Variants in ANKS1B observed in about 807,000 individuals in gnomAD.
ANKS1B encodes ankyrin repeat and sterile alpha motif domain-containing protein 1B.
Under a neutral mutation model 148.3 loss-of-function variants are expected in ANKS1B, and 36 were observed. That is an observed-to-expected ratio of 0.24 (90% CI 0.19 to 0.32). The LOEUF is 0.32. ANKS1B is among the 10% of genes least tolerant of loss of function. The pLI is 1.00. For missense variants in ANKS1B, 1,157 were observed against 1,542.6 expected, an observed-to-expected ratio of 0.75 and a Z score of 4.19; for synonymous variants, 542 against 560.8, an observed-to-expected ratio of 0.97 and a Z score of 0.47.
intron 8 of ANKS1B, among the ~76,000 whole-genome samples, chr12:99,686,514 ATTGG>A (rs2098650224): frequency 6.6e-6 from 1 of 152,158 alleles, no homozygotes; most frequent in Admixed American, 6.6e-5. Context: ...TGATTCCTGA[ATTGG>A]TCTTTGTTCA....
chr12:99,475,081 A>G (rs992507404), intron 10 of ANKS1B, among the ~76,000 whole-genome samples: 2 of 151,004 alleles, frequency 1.3e-5, no homozygotes, highest in African/African-American at 4.9e-5. Context: ...TACTAAAAAT[A>G]CAAAAAAAAA....
At chr12:99,939,703 C>T (rs754660760) in intron 1 of ANKS1B, among the ~76,000 whole-genome samples, 1 of 152,122 alleles carries the variant, frequency 6.6e-6, no homozygotes, top group Non-Finnish European at 1.5e-5. Flanking sequence ...CATTGAGAAG[C>T]AGAAAAGTGT....
At chr12:99,599,891 T>C (rs1350310936) in intron 9 of ANKS1B, among the ~76,000 whole-genome samples, 4 of 151,834 alleles carry the variant, frequency 2.6e-5, no homozygotes, top group Non-Finnish European at 4.4e-5. Flanking sequence ...AATTTGAAAA[T>C]TTAGAGATCT....
intron 10 of ANKS1B, among the ~76,000 whole-genome samples, chr12:99,472,586 T>A (rs1389654529): frequency 6.6e-6 from 1 of 152,100 alleles, no homozygotes; most frequent in African/African-American, 2.4e-5. Flanking sequence ...ATACATAGAG[T>A]TCCACTTTAT....
chr12:99,949,354 T>C (rs2095155383), intron 1 of ANKS1B, among the ~76,000 whole-genome samples: 1 of 152,122 alleles, frequency 6.6e-6, no homozygotes, highest in African/African-American at 2.4e-5. Flanking sequence ...AGGAGAACAT[T>C]TCCAGGAGGA....
intron 2 of ANKS1B, 78 bp downstream of exon 2, chr12:99,825,231 A>G: frequency 2.5e-6 from 3 of 1,224,342 alleles, no homozygotes; most frequent in Non-Finnish European, 3.5e-6. Context: ...AGACATGAGA[A>G]AGGTATCGTC....
At chr12:99,555,642 C>A (rs1459961717) in intron 9 of ANKS1B, among the ~76,000 whole-genome samples, 1 of 152,072 alleles carries the variant, frequency 6.6e-6, no homozygotes, top group African/African-American at 2.4e-5. Context: ...GGGTTTTTAA[C>A]ATGAAAGGAG....
At chr12:99,342,524 A>T (rs1603170740) in intron 12 of ANKS1B, among the ~76,000 whole-genome samples, 2 of 152,208 alleles carry the variant, frequency 1.3e-5, no homozygotes, top group East Asian at 3.9e-4. Context: ...TGCAATCTCT[A>T]GTAGATGGTA....
chr12:99,878,939 T>C (rs954687559), intron 1 of ANKS1B, among the ~76,000 whole-genome samples: 1 of 152,196 alleles, frequency 6.6e-6, no homozygotes, highest in Non-Finnish European at 1.5e-5. Flanking sequence ...CTGAGCTTTA[T>C]TTTGTTATTG....
chr12:99,845,371 A>G (rs530648340), intron 1 of ANKS1B, among the ~76,000 whole-genome samples: 12 of 152,238 alleles, frequency 7.9e-5, no homozygotes, highest in African/African-American at 2.9e-4. Context: ...TTTGTCTTAT[A>G]TGGCTCTTAT....
At chr12:99,305,503 T>C (rs754338814) in intron 12 of ANKS1B, among the ~76,000 whole-genome samples, 2 of 152,086 alleles carry the variant, frequency 1.3e-5, no homozygotes, top group Non-Finnish European at 2.9e-5. Flanking sequence ...GGGAATATTT[T>C]AGCTCTGAAA....
chr12:98,985,777 T>C (rs1265782391), intron 17 of ANKS1B, among the ~76,000 whole-genome samples: 3 of 152,158 alleles, frequency 2.0e-5, no homozygotes, highest in South Asian at 2.1e-4. Context: ...TCTTTAAAAA[T>C]AAGTAAGAAA....
intron 12 of ANKS1B, among the ~76,000 whole-genome samples, chr12:99,280,439 T>C (rs1468499512): frequency 2.0e-5 from 3 of 152,160 alleles, no homozygotes; most frequent in African/African-American, 7.2e-5. Flanking sequence ...ATAAGCACAA[T>C]TTATGTAAGC....
rs2084425178 is a variant in ANKS1B, at chr12:99,217,653, T to G, written c.2419+26689A>C. Among the ~76,000 whole-genome samples the G allele has an allele frequency of 2.0e-5, 3 of 151,146 alleles. 1 individual carries two copies. The highest frequency in any genetic ancestry group is 4.2e-4 in the South Asian group (2 of 4,786). ...GGTCCCTTTTCTCAATCTCTTTCAGTTTTTTTTTGGCCCCAGAAAATATAA... is the reference window on the plus strand; with the variant it reads ...GGTCCCTTTTCTCAATCTCTTTCAGGTTTTTTTTGGCCCCAGAAAATATAA... On this transcript the variant is annotated intron_variant, in intron 14 of 26. Transcript: ENST00000683438.
At chr12:99,068,964 C>T (rs73386572) in intron 16 of ANKS1B, among the ~76,000 whole-genome samples, 11,827 of 152,186 alleles carry the variant, frequency 0.078, 1,121 homozygotes, top group African/African-American at 0.22. Context: ...TAGCATTTTC[C>T]ACATAGTATT....
chr12:98,754,359 C>T (rs933907831), intron 25 of ANKS1B, among the ~76,000 whole-genome samples: 3 of 152,192 alleles, frequency 2.0e-5, no homozygotes, highest in Admixed American at 6.5e-5. Context: ...TTGGCACTCA[C>T]GTCACTGTCA....
intron 1 of ANKS1B, among the ~76,000 whole-genome samples, chr12:99,909,217 CGTGTGTGT>C (rs60264932): frequency 0.19 from 25,960 of 136,836 alleles, 2,635 homozygotes; most frequent in Non-Finnish European, 0.21. Flanking sequence ...AATATTCCAT[CGTGTGTGT>C]GTGTGTGTGT....
chr12:99,241,850 C>T (rs1028384899), intron 14 of ANKS1B, among the ~76,000 whole-genome samples: 9 of 152,146 alleles, frequency 5.9e-5, no homozygotes, highest in South Asian at 4.1e-4. Flanking sequence ...ATTCAACAGC[C>T]CTTCATGCTA....
At chr12:99,500,832 C>T (rs1393912115) in intron 10 of ANKS1B, among the ~76,000 whole-genome samples, 1 of 152,178 alleles carries the variant, frequency 6.6e-6, no homozygotes, top group East Asian at 1.9e-4. Context: ...ATATTTGTCA[C>T]ATTCTCTCTT....
Sources: allele counts gnomAD v4.1 joint callset (sites outside exome capture counted in the v4.1 genomes callset), GRCh38; gene constraint gnomAD v4.1.1; transcripts MANE v1.5; gene names NCBI Gene and HGNC (gene_info 2026-07-23, HGNC 2026-07-21).